Variants in CSMD1 observed in about 807,000 individuals in gnomAD.
The protein encoded by CSMD1 is CUB and Sushi multiple domains 1, also known as CUB and sushi domain-containing protein 1.
Under a neutral mutation model 417.5 loss-of-function variants are expected in CSMD1, and 213 were observed. The ratio of observed to expected loss-of-function variants is 0.51; its 90% CI spans 0.46 to 0.57. CSMD1 has a LOEUF of 0.57. Among genes scored for constraint, CSMD1 ranks in the 20% least tolerant of loss-of-function variants. The pLI is 0.00. For synonymous variants in CSMD1, 2,862 were observed against 1,736.8 expected (o/e 1.65, Z -16.11); for missense variants, 6,923 against 4,529.7 (o/e 1.53, Z -15.17).
chr8:3,822,035 C>A (rs761487275), intron 5 of CSMD1, among the ~76,000 whole-genome samples: 1 of 152,152 alleles, frequency 6.6e-6, no homozygotes. Flanking sequence ...GAACACCATG[C>A]GGTCTGACAT....
At chr8:4,594,566 G>A (rs143257465) in intron 2 of CSMD1, among the ~76,000 whole-genome samples, 10 of 152,028 alleles carry the variant, frequency 6.6e-5, no homozygotes, top group Middle Eastern at 3.4e-3. Context: ...TGATGTGTGC[G>A]TTTTTTTGGA....
At chr8:4,905,293 G>A (rs1431910471) in intron 1 of CSMD1, among the ~76,000 whole-genome samples, 3 of 152,112 alleles carry the variant, frequency 2.0e-5, no homozygotes, top group South Asian at 4.1e-4. Flanking sequence ...AGGGTGCCCA[G>A]AGTCTAATGG....
chr8:4,962,484 T>A (rs968113332), intron 1 of CSMD1, among the ~76,000 whole-genome samples: 14 of 152,170 alleles, frequency 9.2e-5, no homozygotes, highest in Admixed American at 3.3e-4. Flanking sequence ...GCTCTGAGAT[T>A]CCAGGCATGT....
At chr8:4,064,184 C>T (rs549487402) in intron 3 of CSMD1, among the ~76,000 whole-genome samples, 95 of 152,300 alleles carry the variant, frequency 6.2e-4, no homozygotes, top group South Asian at 1.2e-3. Flanking sequence ...AAACTAAAGA[C>T]ATTAGGAGCT....
intron 10 of CSMD1, among the ~76,000 whole-genome samples, chr8:3,563,952 G>A (rs570390888): frequency 2.0e-4 from 31 of 152,156 alleles, no homozygotes; most frequent in African/African-American, 7.2e-4. Context: ...GAATACTAAT[G>A]TTCATTCTTT....
intron 18 of CSMD1, among the ~76,000 whole-genome samples, chr8:3,386,082 G>A (rs544151422): frequency 2.6e-4 from 40 of 152,164 alleles, no homozygotes; most frequent in Non-Finnish European, 4.1e-4. Context: ...TCAATACAAT[G>A]TCTAAATTAC....
At chr8:3,706,485 T>C (rs1801175940) in intron 7 of CSMD1, among the ~76,000 whole-genome samples, 1 of 152,206 alleles carries the variant, frequency 6.6e-6, no homozygotes, top group South Asian at 2.1e-4. Context: ...TTAATTCCCA[T>C]GCTTGACAAA....
intron 23 of CSMD1, among the ~76,000 whole-genome samples, chr8:3,341,888 T>C (rs1028303041): frequency 6.6e-6 from 1 of 152,034 alleles, no homozygotes; most frequent in African/African-American, 2.4e-5. Flanking sequence ...GAAAACAAAA[T>C]ACATTGAACA....
At chr8:3,188,070 ATATATACATATG>A (rs1340864611) in intron 35 of CSMD1, 105 bp from the exon 36 acceptor site, 4 of 448,260 alleles carry the variant, frequency 8.9e-6, no homozygotes, top group East Asian at 4.3e-5. Flanking sequence ...ATATGTATAT[ATATATACATATG>A]TATATGTATA....
rs147178049 is a variant in CSMD1 at position 4,358,698 on chromosome 8, C to G, written c.415+61255G>C. On this transcript the variant is annotated intron_variant, in intron 3 of 69. Transcript: ENST00000635120. ...GCATACTTTTTCTAAGAGTAGAAAC[C>G]AGGTATTTGTAGCTTAATCATTAAA... Among the ~76,000 whole-genome samples, 484 of 152,240 alleles carry G rather than the reference C, an allele frequency of 3.2e-3. 1 individual carries two copies. Among genetic ancestry groups the G allele is most frequent in the Non-Finnish European group, 5.5e-3 (375 of 68,020 alleles).
chr8:3,145,156 C>G (rs1818769004), intron 40 of CSMD1, among the ~76,000 whole-genome samples: 1 of 152,024 alleles, frequency 6.6e-6, no homozygotes, highest in Admixed American at 6.6e-5. Flanking sequence ...AGACATTGCT[C>G]ACATTAATCC....
chr8:4,121,704 C>T (rs374647779), intron 3 of CSMD1, among the ~76,000 whole-genome samples: 4 of 151,414 alleles, frequency 2.6e-5, no homozygotes, highest in Admixed American at 6.6e-5. Context: ...TTTCATCATT[C>T]TGACATACTT....
intron 26 of CSMD1, among the ~76,000 whole-genome samples, chr8:3,275,633 T>C (rs1441921653): frequency 6.6e-6 from 1 of 152,206 alleles, no homozygotes; most frequent in Non-Finnish European, 1.5e-5. Context: ...CGTTTCTTTT[T>C]ATTCTTTTTT....
At chr8:4,969,781 A>C (rs559404245) in intron 1 of CSMD1, among the ~76,000 whole-genome samples, 48 of 152,142 alleles carry the variant, frequency 3.2e-4, no homozygotes, top group African/African-American at 1.0e-3. Flanking sequence ...TGAGGCTGCT[A>C]TGTGGAACTT....
intron 3 of CSMD1, among the ~76,000 whole-genome samples, chr8:4,212,464 T>G (rs1800371822): frequency 6.6e-6 from 1 of 152,090 alleles, no homozygotes; most frequent in Non-Finnish European, 1.5e-5. Context: ...TACTTAACAT[T>G]TGTCCTTTCA....
intron 36 of CSMD1, among the ~76,000 whole-genome samples, chr8:3,185,203 C>T (rs1287652832): frequency 6.6e-6 from 1 of 152,184 alleles, no homozygotes; most frequent in South Asian, 2.1e-4. Context: ...GCACGAACTC[C>T]GTGCTAACTC....
At chr8:3,595,943 C>G (rs1028263942) in intron 8 of CSMD1, among the ~76,000 whole-genome samples, 10 of 152,178 alleles carry the variant, frequency 6.6e-5, no homozygotes, top group African/African-American at 2.2e-4. Context: ...CCTCTCCCAT[C>G]TTCTTCTCTT....
At chr8:4,689,224 T>G (rs1806597961) in intron 1 of CSMD1, among the ~76,000 whole-genome samples, 1 of 152,190 alleles carries the variant, frequency 6.6e-6, no homozygotes, top group South Asian at 2.1e-4. Flanking sequence ...GTGAGGTGAT[T>G]TTGCATGTAT....
At chr8:4,987,203 T>C (rs1476356755) in intron 1 of CSMD1, among the ~76,000 whole-genome samples, 13 of 152,184 alleles carry the variant, frequency 8.5e-5, no homozygotes, top group African/African-American at 2.9e-4. Flanking sequence ...AAAATCCACT[T>C]ATTCAGAATC....
Sources: gnomAD v4.1 joint callset for allele counts (sites outside exome capture counted in the v4.1 genomes callset) on GRCh38, gnomAD v4.1.1 for gene constraint, MANE v1.5 for transcripts, NCBI Gene and HGNC (gene_info 2026-07-23, HGNC 2026-07-21) for gene names.